POU2F1: variants seen among roughly 807,000 people sequenced by gnomAD.
POU2F1 encodes POU class 2 homeobox 1.
In POU2F1, 16 loss-of-function variants were observed where a neutral mutation model predicts 84.9. That is an observed-to-expected ratio of 0.19 (90% CI 0.13 to 0.29). The LOEUF (loss-of-function observed/expected upper bound fraction) is 0.29, where lower values mean the gene tolerates loss of function less well. POU2F1 is among the 10% of genes least tolerant of loss of function. POU2F1 has a pLI of 1.00. For synonymous variants in POU2F1, 368 were observed against 368.3 expected, an observed-to-expected ratio of 1.00 and a Z score of 0.01; for missense variants, 738 against 942.6, an observed-to-expected ratio of 0.78 and a Z score of 2.84.
rs74946012 is a variant in POU2F1 at position 167,269,997 on chromosome 1, A to G, written c.61+49039A>G. Among the ~76,000 whole-genome samples the G allele has an allele frequency of 2.7e-3, 405 of 151,978 alleles. 8 individuals carry two copies. In the East Asian group the frequency reaches 0.046, roughly 17 times the overall value. On this transcript the variant is annotated intron_variant, in intron 1 of 15. Transcript: ENST00000367866. ...TCTGACGTTGAGCTAATGGTGGGCA[A>G]TTTGTGACTTAACATTTAGTGACCA...
chr1:167,369,788 G>T (rs1262766329), intron 3 of POU2F1, among the ~76,000 whole-genome samples: 8 of 152,112 alleles, frequency 5.3e-5, no homozygotes, highest in South Asian at 2.1e-4. Flanking sequence ...AATGTATATA[G>T]ATAGCTTATA....
At chr1:167,288,988 G>A (rs1653729634) in intron 1 of POU2F1, among the ~76,000 whole-genome samples, 1 of 152,154 alleles carries the variant, frequency 6.6e-6, no homozygotes. Flanking sequence ...CAAACCGGAA[G>A]CTTGGTCACT....
At chr1:167,329,649 G>A (rs1460800106) in intron 1 of POU2F1, among the ~76,000 whole-genome samples, 1 of 152,000 alleles carries the variant, frequency 6.6e-6, no homozygotes, top group Non-Finnish European at 1.5e-5. Flanking sequence ...GCATAGAACT[G>A]TACATATATA....
chr1:167,237,131 A>G (rs1266970833), intron 1 of POU2F1, among the ~76,000 whole-genome samples: 1 of 152,162 alleles, frequency 6.6e-6, no homozygotes, highest in Non-Finnish European at 1.5e-5. Context: ...CTTGATGGTG[A>G]TGATACTTGT....
chr1:167,313,717 T>A (rs952761207), intron 1 of POU2F1, among the ~76,000 whole-genome samples: 1 of 152,142 alleles, frequency 6.6e-6, no homozygotes, highest in Non-Finnish European at 1.5e-5. Flanking sequence ...AAACATACAA[T>A]CCATAAAAAA....
chr1:167,412,730 C>T (rs1402140234), intron 14 of POU2F1, among the ~76,000 whole-genome samples: 2 of 152,112 alleles, frequency 1.3e-5, no homozygotes, highest in East Asian at 3.8e-4. Context: ...GTAAATATAT[C>T]TTTTTCTCTA....
chr1:167,417,159 C>T lies in POU2F1; in HGVS notation c.*1349C>T, dbSNP rs1272917722. The stretch of plus-strand genomic sequence containing the variant: ...TTTCCTCTAGAGAGCCACAGACTTC[C>T]TTTCCACTGGATGGTTTATAAATTC... On this transcript the variant is annotated 3_prime_UTR_variant, in exon 16 of 16. Transcript: ENST00000367866. 6.6e-6 allele frequency: 1 copy of T among 152,238 alleles called. No homozygotes were observed. Among genetic ancestry groups the T allele is most frequent in the East Asian group, 1.9e-4 (1 of 5,196 alleles). 9.4% of individuals were successfully genotyped at this position (152,238 alleles called of 1,614,324 possible).
At chr1:167,389,491 T>C in intron 8 of POU2F1, 97 bp from the exon 9 acceptor site, 1 of 1,309,434 alleles carries the variant, frequency 7.6e-7, no homozygotes, top group Non-Finnish European at 1.1e-6. Flanking sequence ...TTCATCGTTA[T>C]CCATAAATGT....
chr1:167,341,380 T>C (rs1657835741), intron 2 of POU2F1, among the ~76,000 whole-genome samples: 1 of 152,246 alleles, frequency 6.6e-6, no homozygotes, highest in South Asian at 2.1e-4. Flanking sequence ...GACTCATCTG[T>C]TGTAATGAAT....
chr1:167,328,156 A>G (rs1391712372), intron 1 of POU2F1, among the ~76,000 whole-genome samples: 2 of 152,226 alleles, frequency 1.3e-5, no homozygotes, highest in Admixed American at 6.5e-5. Flanking sequence ...CCCTTTGACA[A>G]TAGAGATTCT....
At chr1:167,275,224 A>G (rs780155977) in intron 1 of POU2F1, among the ~76,000 whole-genome samples, 3 of 151,810 alleles carry the variant, frequency 2.0e-5, no homozygotes, top group Non-Finnish European at 4.4e-5. Flanking sequence ...ATGGAGTCCC[A>G]GTATGTTGCC....
intron 1 of POU2F1, among the ~76,000 whole-genome samples, chr1:167,284,620 A>G (rs1653391558): frequency 6.6e-6 from 1 of 152,200 alleles, no homozygotes; most frequent in African/African-American, 2.4e-5. Context: ...TGGTATAACT[A>G]TGATTTGATA....
chr1:167,387,246 A>G (rs1176401592), intron 8 of POU2F1: 5 of 455,914 alleles, frequency 1.1e-5, no homozygotes, highest in South Asian at 6.2e-5. Flanking sequence ...CCCCATCTAA[A>G]GGTACCCAAG....
intron 8 of POU2F1, among the ~76,000 whole-genome samples, chr1:167,388,623 T>C (rs183911586): frequency 6.6e-6 from 1 of 152,290 alleles, no homozygotes; most frequent in African/African-American, 2.4e-5. Context: ...CTGATTTCAG[T>C]AGTCCAAGCT....
At chr1:167,238,646 C>G (rs890619506) in intron 1 of POU2F1, among the ~76,000 whole-genome samples, 1 of 152,152 alleles carries the variant, frequency 6.6e-6, no homozygotes, top group Non-Finnish European at 1.5e-5. Flanking sequence ...TCAAAATGGT[C>G]TGACTTAAAA....
At position 167,423,356 on chromosome 1, in the gene POU2F1, C is replaced by T. The variant is rs929095433; in HGVS notation, c.*7546C>T. 1 of 152,154 alleles carries T rather than the reference C, an allele frequency of 6.6e-6. No individual in the cohort carries two copies. The highest frequency in any genetic ancestry group is 1.5e-5 in the Non-Finnish European group (1 of 68,042). 9.4% of individuals were successfully genotyped at this position (152,154 alleles called of 1,614,324 possible). On this transcript the variant is annotated 3_prime_UTR_variant, in exon 16 of 16. Coordinates refer to ENST00000367866, the MANE Select transcript of POU2F1 (RefSeq NM_002697.4). The stretch of plus-strand genomic sequence containing the variant: ...TATTGCATCAAAAATGATTAGGTTG[C>T]AGAACTTCATGAAAGCTTTACTAAT...
intron 1 of POU2F1, among the ~76,000 whole-genome samples, chr1:167,266,544 G>T (rs768366058): frequency 6.6e-6 from 1 of 151,774 alleles, no homozygotes; most frequent in African/African-American, 2.4e-5. Flanking sequence ...TTAAAAGATT[G>T]TTGTCTGGGA....
At chr1:167,262,848 A>G (rs1418056111) in intron 1 of POU2F1, among the ~76,000 whole-genome samples, 2 of 152,062 alleles carry the variant, frequency 1.3e-5, no homozygotes, top group Non-Finnish European at 2.9e-5. Flanking sequence ...TAGAGGCAGA[A>G]AAAGCTGGCC....
At chr1:167,372,117 A>G (rs12733834) in intron 5 of POU2F1, 81 bp downstream of exon 5, 24,672 of 1,510,856 alleles carry the variant, frequency 0.016, 248 homozygotes, top group South Asian at 0.025. Flanking sequence ...AGAATTGTTC[A>G]CCATAGCTGG....
Sources: allele counts gnomAD v4.1 joint callset (sites outside exome capture counted in the v4.1 genomes callset), GRCh38; gene constraint gnomAD v4.1.1; transcripts MANE v1.5; gene names NCBI Gene and HGNC (gene_info 2026-07-23, HGNC 2026-07-21).